The following TRPC4AP variants were observed in gnomAD, a reference collection of about 807,000 sequenced individuals.
TRPC4AP encodes the protein short transient receptor potential channel 4-associated protein.
A neutral mutation model predicts 99.0 loss-of-function variants in TRPC4AP; 45 were observed. The observed-to-expected ratio is 0.45, with a 90% CI of 0.36 to 0.58. The LOEUF is 0.58. TRPC4AP is among the 20% of genes least tolerant of loss of function. The pLI is 0.00. For synonymous variants in TRPC4AP, 408 were observed against 385.8 expected, an observed-to-expected ratio of 1.06 and a Z score of -0.67; for missense variants, 879 against 985.3, an observed-to-expected ratio of 0.89 and a Z score of 1.44.
intron 8 of TRPC4AP, among the ~76,000 whole-genome samples, chr20:35,034,741 C>G (rs377324163): frequency 1.3e-5 from 2 of 152,176 alleles, no homozygotes; most frequent in East Asian, 1.9e-4. Flanking sequence ...TCTGCCTAGT[C>G]CCATCAAGGG....
chr20:35,010,891 T>C (rs2082620644), intron 11 of TRPC4AP, among the ~76,000 whole-genome samples: 1 of 152,216 alleles, frequency 6.6e-6, no homozygotes, highest in African/African-American at 2.4e-5. Context: ...CCACTGCATT[T>C]AGAACAGACA....
chr20:35,008,894 C>T (rs1478828704), intron 12 of TRPC4AP, 147 bp from the exon 13 acceptor site: 7 of 656,002 alleles, frequency 1.1e-5, no homozygotes, highest in Non-Finnish European at 1.8e-5. Context: ...GGGTCCAGAG[C>T]CCCGGAGACC....
Position 35,021,363 on chromosome 20 carries a change from C to T in TRPC4AP, c.1052-7G>A. On this transcript the variant is annotated splice_polypyrimidine_tract_variant and splice_region_variant and intron_variant, in intron 8 of 18. Transcript: ENST00000252015. ...GGAGGGAACACAATGGAGGCTGACACAGCCACCGGAGACAGGATTGAGTCA... is the reference window on the plus strand; with the variant it reads ...GGAGGGAACACAATGGAGGCTGACATAGCCACCGGAGACAGGATTGAGTCA... The T allele has an allele frequency of 6.2e-7, 1 of 1,612,508 alleles. No individual in the cohort carries two copies. The highest frequency in any genetic ancestry group is 1.1e-5 in the South Asian group (1 of 91,050).
In TRPC4AP at chr20:35,010,221, T is replaced by C. The variant is rs1383850426; in HGVS notation, c.1477A>G (p.Ile493Val). 3.7e-6 allele frequency: 6 copies of C among 1,614,186 alleles called. No individual in the cohort carries two copies. The highest frequency in any genetic ancestry group is 4.2e-6 in the Non-Finnish European group (5 of 1,180,030). Residue 493 changes from isoleucine to valine, a missense_variant, in exon 12 of 19, where the codon ATC becomes GTC. Around this residue, in one of 3 missense-constraint regions of TRPC4AP, gnomAD observed 603 missense variants for 631.8 expected, o/e 0.95. Transcript: ENST00000252015. ...TTGAGGACAGCTTCCACCTCAGGGA[T>C]GTTGGCCTTGAGAGAGATGGCACTG... ...ELSAISLKAN[I>V]PEVEAVLNTD...
At chr20:35,049,565 ATGAG>A (rs1400384331) in intron 6 of TRPC4AP, among the ~76,000 whole-genome samples, 4 of 152,192 alleles carry the variant, frequency 2.6e-5, no homozygotes, top group African/African-American at 9.7e-5. Flanking sequence ...CCCAACGGTG[ATGAG>A]TGAGGGGCAA....
chr20:35,050,890 C>T (rs1041638168), intron 5 of TRPC4AP, among the ~76,000 whole-genome samples: 4 of 151,478 alleles, frequency 2.6e-5, no homozygotes, highest in Admixed American at 1.3e-4. Flanking sequence ...CCAGCTACCC[C>T]GGAGGCTGAG....
intron 5 of TRPC4AP, among the ~76,000 whole-genome samples, chr20:35,051,636 T>C (rs1600597201): frequency 7.0e-6 from 1 of 142,754 alleles, no homozygotes; most frequent in Non-Finnish European, 1.5e-5. Context: ...AAAAAAAAGG[T>C]TGTTATTCCC....
chr20:35,074,678 C>T (rs978632317), intron 2 of TRPC4AP, among the ~76,000 whole-genome samples: 1 of 152,172 alleles, frequency 6.6e-6, no homozygotes, highest in African/African-American at 2.4e-5. Context: ...CTAAGGAGTG[C>T]TTTACTTCCA....
intron 1 of TRPC4AP, among the ~76,000 whole-genome samples, chr20:35,086,519 G>GTGTGTGTA (rs1569157863): frequency 3.0e-5 from 1 of 33,472 alleles, no homozygotes; most frequent in African/African-American, 7.8e-5. Flanking sequence ...GTGTGTGTGT[G>GTGTGTGTA]TATATATGTG....
At chr20:35,040,322 G>A (rs1346945782) in intron 7 of TRPC4AP, among the ~76,000 whole-genome samples, 3 of 152,120 alleles carry the variant, frequency 2.0e-5, no homozygotes, top group Non-Finnish European at 4.4e-5. Flanking sequence ...CCTCAATGTG[G>A]GCAGGCACCA....
intron 7 of TRPC4AP, among the ~76,000 whole-genome samples, chr20:35,041,654 G>C (rs1191492611): frequency 6.6e-6 from 1 of 152,174 alleles, no homozygotes; most frequent in Non-Finnish European, 1.5e-5. Flanking sequence ...GGTAATGCTG[G>C]TTTTACTTAA....
chr20:35,026,853 T>A (rs1039662402), intron 8 of TRPC4AP, among the ~76,000 whole-genome samples: 12 of 152,198 alleles, frequency 7.9e-5, no homozygotes, highest in Non-Finnish European at 1.8e-4. Context: ...TTTTGGTTTG[T>A]TGATTGCTAC....
rs1328017658 is a variant in TRPC4AP at position 35,007,532 on chromosome 20, G to A, written c.1686+18C>T. The A allele has an allele frequency of 1.2e-6, 2 of 1,613,340 alleles. No individual in the cohort carries two copies. The highest frequency in any genetic ancestry group is 2.2e-5 in the South Asian group (2 of 91,070). On this transcript the variant is annotated intron_variant, in intron 14 of 18. Coordinates refer to ENST00000252015, the MANE Select transcript of TRPC4AP (RefSeq NM_015638.3). ...GGGGGGAGACGGAACCCAAGACACT[G>A]GCTGCTCCAGATCATACCTCCAAGA...
intron 8 of TRPC4AP, among the ~76,000 whole-genome samples, chr20:35,021,695 A>G (rs1440952186): frequency 2.0e-5 from 3 of 152,178 alleles, no homozygotes; most frequent in Non-Finnish European, 2.9e-5. Flanking sequence ...AGGCAGATGT[A>G]TGACAGCAAA....
Position 35,062,968 on chromosome 20 carries a change from G to C in TRPC4AP, c.415-5397C>G, listed in dbSNP as rs142659559. On this transcript the variant is annotated intron_variant, in intron 3 of 18. Transcript: ENST00000252015. ...ACGATTCTGTTGATATGAAATATCC[G>C]TAACAGGTGATATGGTTTGGCTGTG... Among the ~76,000 whole-genome samples, 1,107 of 152,320 alleles carry C rather than the reference G, an allele frequency of 7.3e-3. 7 individuals are homozygous for C. Among genetic ancestry groups the C allele is most frequent in the African/African-American group, 0.025 (1,050 of 41,566 alleles).
intron 2 of TRPC4AP, among the ~76,000 whole-genome samples, chr20:35,072,090 A>G (rs1433424746): frequency 6.6e-6 from 1 of 152,192 alleles, no homozygotes; most frequent in African/African-American, 2.4e-5. Flanking sequence ...CTTCTTTTGA[A>G]AAGTGTCTGT....
intron 1 of TRPC4AP, among the ~76,000 whole-genome samples, chr20:35,087,524 G>T (rs564822852): frequency 2.6e-5 from 4 of 152,216 alleles, no homozygotes; most frequent in East Asian, 3.9e-4. Flanking sequence ...GGCGGGTCAT[G>T]ACCTGTAATG....
chr20:35,073,102 T>C (rs1432426518), intron 2 of TRPC4AP, among the ~76,000 whole-genome samples: 1 of 152,220 alleles, frequency 6.6e-6, no homozygotes, highest in East Asian at 1.9e-4. Context: ...ATAGGAATGC[T>C]TGCGACTTTT....
At chr20:35,023,221 C>T (rs114202248) in intron 8 of TRPC4AP, among the ~76,000 whole-genome samples, 113 of 152,232 alleles carry the variant, frequency 7.4e-4, no homozygotes, top group African/African-American at 2.7e-3. Flanking sequence ...ATTCACTAGC[C>T]GGGTGGTCTT....
Sources: allele counts gnomAD v4.1 joint callset (sites outside exome capture counted in the v4.1 genomes callset), GRCh38; gene constraint gnomAD v4.1.1; regional missense constraint gnomAD v4.1.1; transcripts MANE v1.5; gene names NCBI Gene and HGNC (gene_info 2026-07-23, HGNC 2026-07-21).